Variants in GRHL2 observed in about 807,000 individuals in gnomAD.
GRHL2 encodes the protein grainyhead-like protein 2 homolog.
Under a neutral mutation model 83.8 loss-of-function variants are expected in GRHL2, and 21 were observed. The ratio of observed to expected loss-of-function variants is 0.25; its 90% CI spans 0.18 to 0.36. GRHL2 has a LOEUF of 0.36. Among genes scored for constraint, GRHL2 ranks in the 10% least tolerant of loss-of-function variants. GRHL2 has a pLI of 1.00. For synonymous variants in GRHL2, 280 were observed against 278.9 expected (o/e 1.00, Z -0.04); for missense variants, 623 against 781.8 (o/e 0.80, Z 2.42).
chr8:101,650,158 C>A (rs112478528), intron 14 of GRHL2, among the ~76,000 whole-genome samples: 11 of 152,196 alleles, frequency 7.2e-5, no homozygotes, highest in Admixed American at 5.9e-4. Context: ...GTGATAGAGA[C>A]AACAGGACTG....
chr8:101,548,500 A>G (rs1811311797), intron 2 of GRHL2, among the ~76,000 whole-genome samples: 2 of 152,210 alleles, frequency 1.3e-5, no homozygotes, highest in Admixed American at 6.5e-5. Context: ...GGACAGAAAG[A>G]GAGAGAGACA....
chr8:101,494,440 G>A (rs993236), intron 1 of GRHL2, among the ~76,000 whole-genome samples: 10,365 of 152,264 alleles, frequency 0.068, 582 homozygotes, highest in East Asian at 0.21. Flanking sequence ...CAACACGGGA[G>A]CGGGTCAGAG....
At chr8:101,521,887 G>C (rs969859222) in intron 1 of GRHL2, among the ~76,000 whole-genome samples, 1 of 152,216 alleles carries the variant, frequency 6.6e-6, no homozygotes, top group Non-Finnish European at 1.5e-5. Context: ...TAATAGGAGA[G>C]ACTGTGTCTG....
At chr8:101,596,738 G>A (rs1459790598) in intron 7 of GRHL2, among the ~76,000 whole-genome samples, 1 of 152,208 alleles carries the variant, frequency 6.6e-6, no homozygotes, top group East Asian at 1.9e-4. Flanking sequence ...AGGATGAAGT[G>A]TACCACAGAT....
chr8:101,630,276 C>A (rs1378961410), intron 9 of GRHL2, among the ~76,000 whole-genome samples: 1 of 152,076 alleles, frequency 6.6e-6, no homozygotes, highest in African/African-American at 2.4e-5. Flanking sequence ...TCTACAAAAG[C>A]CAATTTGATA....
intron 4 of GRHL2, among the ~76,000 whole-genome samples, chr8:101,559,623 G>A (rs1435764410): frequency 1.3e-5 from 2 of 152,186 alleles, no homozygotes; most frequent in Non-Finnish European, 2.9e-5. Context: ...AATCAAGTGT[G>A]TGTATGTGTG....
intron 1 of GRHL2, among the ~76,000 whole-genome samples, chr8:101,518,520 A>T (rs1368830127): frequency 6.6e-6 from 1 of 152,192 alleles, no homozygotes; most frequent in Admixed American, 6.5e-5. Flanking sequence ...TAGGAACTCC[A>T]CTTGACTTCT....
chr8:101,573,479 A>G (rs1811867501), intron 5 of GRHL2, among the ~76,000 whole-genome samples, 189 bp from the exon 6 acceptor site: 1 of 152,170 alleles, frequency 6.6e-6, no homozygotes, highest in South Asian at 2.1e-4. Flanking sequence ...CCACTGTTAG[A>G]AATGTTGTAT....
chr8:101,507,924 A>G (rs1810374555), intron 1 of GRHL2, among the ~76,000 whole-genome samples: 2 of 151,820 alleles, frequency 1.3e-5, no homozygotes, highest in Non-Finnish European at 2.9e-5. Flanking sequence ...CTGAGATTAC[A>G]GATGTGTGCC....
chr8:101,587,795 G>A (rs1481012483), intron 7 of GRHL2, among the ~76,000 whole-genome samples: 1 of 152,126 alleles, frequency 6.6e-6, no homozygotes, highest in South Asian at 2.1e-4. Flanking sequence ...TATGTTTCAT[G>A]AACAAAACTA....
intron 2 of GRHL2, 105 bp from the exon 3 acceptor site, chr8:101,552,610 G>A: frequency 2.0e-6 from 2 of 1,022,692 alleles, no homozygotes; most frequent in Non-Finnish European, 1.5e-6. Flanking sequence ...ACCATTTCCT[G>A]GAGAACATTC....
intron 14 of GRHL2, among the ~76,000 whole-genome samples, chr8:101,655,185 A>C (rs1431492409): frequency 2.0e-4 from 8 of 40,082 alleles, no homozygotes; most frequent in Admixed American, 4.8e-4. Context: ...TCCAATCCTA[A>C]AAAAAAAAAA....
In GRHL2 at chr8:101,605,575, G is replaced by A. The variant is rs76529818; in HGVS notation, c.1098+6424G>A. On this transcript the variant is annotated intron_variant, in intron 8 of 15. Coordinates refer to ENST00000646743, the MANE Select transcript of GRHL2 (RefSeq NM_024915.4). ...CTTTTGCCACCTGCCCTGTCCTCAC[G>A]CCACACTTTCTCCTTCCCCACAAAG... Among the ~76,000 whole-genome samples, 95 of 152,206 alleles carry A rather than the reference G, an allele frequency of 6.2e-4. No individual in the cohort carries two copies. The East Asian group carries it at 0.016, about 26-fold the overall frequency.
At chr8:101,644,059 C>A in intron 12 of GRHL2, 72 bp from the exon 13 acceptor site, 1 of 1,288,068 alleles carries the variant, frequency 7.8e-7, no homozygotes, top group Non-Finnish European at 1.1e-6. Flanking sequence ...AAGACAGAAA[C>A]GGACACACAT....
intron 14 of GRHL2, among the ~76,000 whole-genome samples, chr8:101,659,754 G>A (rs113256483): frequency 0.022 from 3,372 of 152,242 alleles, 132 homozygotes; most frequent in African/African-American, 0.076. Context: ...TCTTCAAAAC[G>A]GCGTTTTGGG....
intron 1 of GRHL2, among the ~76,000 whole-genome samples, chr8:101,522,135 A>T (rs1810698309): frequency 6.6e-6 from 1 of 152,156 alleles, no homozygotes; most frequent in South Asian, 2.1e-4. Flanking sequence ...TTTAAGTTCT[A>T]GGGTACATGG....
intron 1 of GRHL2, among the ~76,000 whole-genome samples, chr8:101,504,966 T>C (rs1048671504): frequency 7.0e-6 from 1 of 142,536 alleles, no homozygotes; most frequent in Non-Finnish European, 1.5e-5. Flanking sequence ...GTTGCCAACA[T>C]TGCATTAGGA....
At position 101,546,029 on chromosome 8, in the gene GRHL2, A is replaced by G. The variant is rs139076477; in HGVS notation, c.216+2593A>G. 3.5e-3 allele frequency among the ~76,000 whole-genome samples: 532 copies of G among 151,096 alleles called. 6 individuals are homozygous for G. Among genetic ancestry groups the G allele is most frequent in the African/African-American group, 0.012 (475 of 41,226 alleles). ...CCCAAGTAGCTGGGATTACAGGCACACTCTACCATGACCAGCTAATTTTTG... is the reference window on the plus strand; with the variant it reads ...CCCAAGTAGCTGGGATTACAGGCACGCTCTACCATGACCAGCTAATTTTTG... On this transcript the variant is annotated intron_variant, in intron 2 of 15. Transcript: ENST00000646743.
At chr8:101,583,397 G>A (rs572448741) in intron 7 of GRHL2, among the ~76,000 whole-genome samples, 6 of 152,338 alleles carry the variant, frequency 3.9e-5, no homozygotes, top group Admixed American at 2.6e-4. Flanking sequence ...CTGATTGGCT[G>A]TGGGGGATAC....
Sources: allele counts gnomAD v4.1 joint callset (sites outside exome capture counted in the v4.1 genomes callset), GRCh38; gene constraint gnomAD v4.1.1; transcripts MANE v1.5; gene names NCBI Gene and HGNC (gene_info 2026-07-23, HGNC 2026-07-21).